GP2: variants seen among roughly 807,000 people sequenced by gnomAD.
The protein encoded by GP2 is glycoprotein 2.
A neutral mutation model predicts 60.8 loss-of-function variants in GP2; 58 were observed. That is an observed-to-expected ratio of 0.95 (90% confidence interval 0.77 to 1.19). The LOEUF is 1.19. Among genes scored for constraint, GP2 ranks in the 50% most tolerant of loss-of-function variants. GP2 has a pLI of 0.00. For missense variants in GP2, 647 were observed against 667.4 expected, an observed-to-expected ratio of 0.97 and a Z score of 0.34; for synonymous variants, 280 against 253.4, an observed-to-expected ratio of 1.10 and a Z score of -1.00.
intron 8 of GP2, among the ~76,000 whole-genome samples, chr16:20,316,742 C>G (rs1266009377): frequency 6.6e-6 from 1 of 151,796 alleles, no homozygotes; most frequent in East Asian, 1.9e-4. Flanking sequence ...TTTAGGAGAT[C>G]TAGAGTCTAT....
intron 6 of GP2, among the ~76,000 whole-genome samples, chr16:20,319,038 AAC>A (rs1964268084): frequency 2.6e-5 from 4 of 152,240 alleles, no homozygotes; most frequent in Non-Finnish European, 2.9e-5. Context: ...TCAGCACAGA[AAC>A]ACAACAAAAC....
rs570714742 is a variant in GP2, at chr16:20,323,563, G to A, written c.535+253C>T. The A allele has an allele frequency of 1.5e-4, 90 of 599,072 alleles. 3 individuals carry two copies. The highest frequency in any genetic ancestry group is 1.3e-3 in the South Asian group (62 of 47,990). The allele number at this position is 599,072 out of a possible 1,614,324, so 37.1% of individuals were successfully genotyped here. On this transcript the variant is annotated intron_variant, in intron 3 of 10. Coordinates refer to ENST00000302555, the MANE Select transcript of GP2 (RefSeq NM_001502.4). ...AAACTTCTCAAATGGAGCCAAAATC[G>A]GAACGAGCATGAGTTCTGGATTTTA...
Position 20,323,147 on chromosome 16 carries a change from G to C in GP2, c.536-168C>G, listed in dbSNP as rs1964417873. On this transcript the variant is annotated intron_variant, in intron 3 of 10. Coordinates refer to ENST00000302555, the MANE Select transcript of GP2 (RefSeq NM_001502.4). ...TCCCAGTCCAATGGGATAAGTGAGA[G>C]CCCTAAAGCTGCCACCTGAACACTT... Among the ~76,000 whole-genome samples, 5 of 152,282 alleles carry C rather than the reference G, an allele frequency of 3.3e-5. No individual in the cohort carries two copies. In the South Asian group the frequency reaches 1.0e-3, roughly 32 times the overall value.
intron 3 of GP2, 101 bp downstream of exon 3, chr16:20,323,715 A>G: frequency 1.3e-6 from 1 of 765,846 alleles, no homozygotes; most frequent in South Asian, 1.9e-5. Context: ...GCTGCTCTGC[A>G]TCCTCTCCTG....
Position 20,324,375 on chromosome 16 carries a change from C to T in GP2, c.95-119G>A, listed in dbSNP as rs188382698. ...GACTCCAATGAGGACAATACACACACGGTCCATTAATTAAACATCAACTTC... is the reference window on the plus strand; with the variant it reads ...GACTCCAATGAGGACAATACACACATGGTCCATTAATTAAACATCAACTTC... On this transcript the variant is annotated intron_variant, in intron 2 of 10. Transcript: ENST00000302555. 21 of 628,076 alleles carry T rather than the reference C, an allele frequency of 3.3e-5. 1 individual carries two copies. The highest frequency in any genetic ancestry group is 2.2e-4 in the South Asian group (11 of 49,658). 38.9% of individuals were successfully genotyped at this position (628,076 alleles called of 1,614,324 possible). A position where few individuals can be genotyped will look rare whatever the true frequency, so the allele number is the denominator to read the frequency against.
intron 3 of GP2, 110 bp downstream of exon 3, chr16:20,323,706 C>A: frequency 1.4e-6 from 1 of 708,898 alleles, no homozygotes. Context: ...TGAGTCGAGG[C>A]TGCTCTGCAT....
At chr16:20,314,009 GA>G (rs1964075402) in intron 10 of GP2, among the ~76,000 whole-genome samples, 2 of 152,064 alleles carry the variant, frequency 1.3e-5, no homozygotes, top group South Asian at 4.1e-4. Context: ...TGACAGAAAT[GA>G]ATGTCTATAC....
chr16:20,319,705 C>G lies in GP2; in HGVS notation c.922G>C (p.Asp308His). The change falls in exon 6 of 11, where the codon GAC becomes CAC. Residue 308 changes from aspartate (D) to histidine (H), a missense_variant. Asp to His is a moderately conservative substitution (Grantham distance 81). Transcript: ENST00000302555. ...LSLVNDFIIRDTILNINFQCA... is the reference protein window; with the variant it reads ...LSLVNDFIIRHTILNINFQCA... ...TGGAAGTTGATGTTGAGGATGGTGTCTCTGATGATGAAATCATTGACCAAG... is the reference window on the plus strand; with the variant it reads ...TGGAAGTTGATGTTGAGGATGGTGTGTCTGATGATGAAATCATTGACCAAG... The G allele has an allele frequency of 6.2e-7, 1 of 1,609,160 alleles. No individual in the cohort carries two copies. The highest frequency in any genetic ancestry group is 2.2e-5 in the East Asian group (1 of 44,858).
intron 10 of GP2, among the ~76,000 whole-genome samples, chr16:20,313,870 G>A (rs1324039129): frequency 6.6e-6 from 1 of 152,194 alleles, no homozygotes; most frequent in Non-Finnish European, 1.5e-5. Context: ...TGCCATCTTG[G>A]AACATGAAGA....
At chr16:20,314,595 A>G (rs1964099092) in intron 10 of GP2, 62 bp downstream of exon 10, 1 of 1,137,760 alleles carries the variant, frequency 8.8e-7, no homozygotes, top group East Asian at 2.3e-5. Context: ...TAAAAGGGGC[A>G]GAATTGAAAA....
chr16:20,313,399 T>C (rs1215727848), intron 10 of GP2, among the ~76,000 whole-genome samples: 1 of 152,162 alleles, frequency 6.6e-6, no homozygotes. Context: ...CCTTATCCAA[T>C]ACAGTTATTT....
chr16:20,324,467 G>A (rs1964472949), intron 2 of GP2, among the ~76,000 whole-genome samples: 1 of 152,210 alleles, frequency 6.6e-6, no homozygotes, highest in African/African-American at 2.4e-5. Flanking sequence ...GAGGACATCA[G>A]GGCTACCGTC....
At chr16:20,327,038 T>C (rs908723737) in intron 1 of GP2, 1 of 163,776 alleles carries the variant, frequency 6.1e-6, no homozygotes, top group African/African-American at 2.4e-5. Context: ...GCATTTACTT[T>C]TCTGGGAAAT....
rs769672762 is a variant in GP2 at position 20,311,238 on chromosome 16, C to A, written c.1590G>T (p.Leu530=). 4 of 1,610,222 alleles carry A rather than the reference C, an allele frequency of 2.5e-6. No homozygotes were observed. In the African/African-American group the frequency reaches 4.0e-5, roughly 16 times the overall value. Residue 530 remains leucine (L), a synonymous_variant, in exon 11 of 11, where the codon CTG becomes CTT. Coordinates refer to ENST00000302555, the MANE Select transcript of GP2 (RefSeq NM_001502.4). ...AWPMVLLTVL[L]AWLF is the part of the protein sequence containing the mutation. ...AGCGGAGCTCTCAGAACAGCCAAGC[C>A]AGGAGGACAGTCAGGAGGACCATAG... is the stretch of plus-strand genomic sequence containing the variant.
rs1353897713 is a variant in GP2 at position 20,319,649 on chromosome 16, GCTGA to G, written c.974_977del (p.Val325AlafsTer10). The G allele has an allele frequency of 1.2e-6, 2 of 1,612,534 alleles. No homozygotes were observed. Among genetic ancestry groups the G allele is most frequent in the East Asian group, 2.2e-5 (1 of 44,860 alleles). On this transcript the variant is annotated frameshift_variant, in exon 6 of 11. Transcript: ENST00000302555. LOFTEE classifies it high-confidence loss of function. ...CAATGGGCTGCAAGGCAGCTTGGAGGCTGACTTTCATGTCCAGTGGGTAGGCACA... is the reference window on the plus strand; with the variant it reads ...CAATGGGCTGCAAGGCAGCTTGGAGGCTTTCATGTCCAGTGGGTAGGCACA...
chr16:20,321,308 G>A (rs1333263630), intron 4 of GP2, among the ~76,000 whole-genome samples: 3 of 151,838 alleles, frequency 2.0e-5, no homozygotes, highest in East Asian at 3.9e-4. Context: ...GCGATCTGCC[G>A]GCCTCAGCCT....
chr16:20,311,407 G>C, intron 10 of GP2, 126 bp from the exon 11 acceptor site: 1 of 668,674 alleles, frequency 1.5e-6, no homozygotes, highest in Admixed American at 2.2e-5. Context: ...ATCTGGCCTA[G>C]TTATAGTCTC....
chr16:20,316,950 C>T (rs925404086), intron 8 of GP2, among the ~76,000 whole-genome samples: 3 of 147,476 alleles, frequency 2.0e-5, no homozygotes, highest in Non-Finnish European at 3.0e-5. Flanking sequence ...TCCCTCCCTC[C>T]TTCTCCTTCC....
chr16:20,316,962 C>T (rs145656264), intron 8 of GP2, among the ~76,000 whole-genome samples: 6 of 146,600 alleles, frequency 4.1e-5, no homozygotes, highest in South Asian at 2.3e-4. Context: ...TCTCCTTCCT[C>T]GTCCCCTTCC....
Sources: gnomAD v4.1 joint callset for allele counts (sites outside exome capture counted in the v4.1 genomes callset) on GRCh38, gnomAD v4.1.1 for gene constraint, MANE v1.5 for transcripts, NCBI Gene and HGNC (gene_info 2026-07-23, HGNC 2026-07-21) for gene names.